The following MACROD2 variants were observed in gnomAD, a reference collection of about 807,000 sequenced individuals.
MACROD2 encodes the protein ADP-ribose glycohydrolase MACROD2.
In MACROD2, 36 loss-of-function variants were observed where a neutral mutation model predicts 70.4. The observed-to-expected ratio is 0.51, with a 90% CI of 0.39 to 0.68. The LOEUF is 0.68. Ranked by LOEUF, MACROD2 falls within the 30% of genes least tolerant of loss-of-function variation. The pLI, the probability that MACROD2 is intolerant of heterozygous loss-of-function variation, is 0.00. For synonymous variants in MACROD2, 172 were observed against 178.8 expected (o/e 0.96, Z 0.30); for missense variants, 496 against 538.4 (o/e 0.92, Z 0.78).
intron 5 of MACROD2, among the ~76,000 whole-genome samples, chr20:14,930,946 C>T (rs1283810444): frequency 6.6e-6 from 1 of 150,442 alleles, no homozygotes; most frequent in Admixed American, 6.6e-5. Context: ...AGGAGGATCA[C>T]TTGAGCCTAG....
At chr20:14,091,851 T>C (rs924098044) in intron 3 of MACROD2, among the ~76,000 whole-genome samples, 3 of 152,154 alleles carry the variant, frequency 2.0e-5, no homozygotes, top group Non-Finnish European at 4.4e-5. Flanking sequence ...TGAGGGACAT[T>C]TGGATTCTTT....
chr20:15,079,472 C>T (rs528021765), intron 5 of MACROD2, among the ~76,000 whole-genome samples: 4 of 152,166 alleles, frequency 2.6e-5, no homozygotes, highest in East Asian at 1.9e-4. Flanking sequence ...TTGAGCATCC[C>T]GTTCTTTGAC....
chr20:14,063,479 A>G (rs2053714784), intron 2 of MACROD2, among the ~76,000 whole-genome samples: 1 of 152,162 alleles, frequency 6.6e-6, no homozygotes, highest in African/African-American at 2.4e-5. Flanking sequence ...ACACAGGTTG[A>G]GTATCTCTAA....
In MACROD2 at chr20:16,021,985, T is replaced by G. The variant is rs139069062; in HGVS notation, c.1154-19216T>G. ...ATTCTGTCCAGAATTATGGGTATTG[T>G]GGTCATTTAGCAAAAAGTAGGTCAT... On this transcript the variant is annotated intron_variant, in intron 15 of 17. Transcript: ENST00000684519. Among the ~76,000 whole-genome samples the G allele has an allele frequency of 4.2e-4, 64 of 152,146 alleles. No homozygotes were observed. The East Asian group carries it at 0.012, about 28-fold the overall frequency.
chr20:14,856,006 G>C (rs2073252302), intron 5 of MACROD2, among the ~76,000 whole-genome samples: 1 of 152,072 alleles, frequency 6.6e-6, no homozygotes, highest in Non-Finnish European at 1.5e-5. Context: ...TTTCAGAAGA[G>C]ATATAAAGAT....
At chr20:15,564,309 G>C (rs1476362731) in intron 8 of MACROD2, among the ~76,000 whole-genome samples, 1 of 152,176 alleles carries the variant, frequency 6.6e-6, no homozygotes, top group African/African-American at 2.4e-5. Context: ...CTTTTTGACA[G>C]CAAAATGTCT....
intron 5 of MACROD2, among the ~76,000 whole-genome samples, chr20:14,795,396 C>G (rs114554080): frequency 1.3e-5 from 2 of 152,024 alleles, no homozygotes; most frequent in Admixed American, 6.6e-5. Flanking sequence ...GAAGGACTAG[C>G]GAGTAACTTG....
At chr20:14,154,895 T>A (rs1191764709) in intron 3 of MACROD2, among the ~76,000 whole-genome samples, 3 of 152,170 alleles carry the variant, frequency 2.0e-5, no homozygotes, top group Non-Finnish European at 4.4e-5. Flanking sequence ...ATAATGCATG[T>A]CATAATTATT....
At chr20:14,710,833 C>G (rs1356906598) in intron 5 of MACROD2, among the ~76,000 whole-genome samples, 1 of 152,130 alleles carries the variant, frequency 6.6e-6, no homozygotes, top group Non-Finnish European at 1.5e-5. Context: ...TGCACTGGGT[C>G]AGTGTTTCTC....
intron 5 of MACROD2, among the ~76,000 whole-genome samples, chr20:15,080,115 CAAAT>C (rs11467492): frequency 0.17 from 24,501 of 143,028 alleles, 2,267 homozygotes; most frequent in Middle Eastern, 0.25. Flanking sequence ...ACAGAACAGC[CAAAT>C]AAATAAATAA....
At chr20:15,002,200 G>T (rs534640519) in intron 5 of MACROD2, among the ~76,000 whole-genome samples, 1 of 152,082 alleles carries the variant, frequency 6.6e-6, no homozygotes, top group South Asian at 2.1e-4. Flanking sequence ...ACTGTTTGCC[G>T]TAGTGGTTGT....
intron 4 of MACROD2, among the ~76,000 whole-genome samples, chr20:14,569,235 A>G (rs542941467): frequency 6.6e-5 from 10 of 152,122 alleles, no homozygotes; most frequent in Middle Eastern, 6.8e-3. Context: ...TTAGAGACAA[A>G]ATAGCATACA....
intron 5 of MACROD2, among the ~76,000 whole-genome samples, chr20:14,859,070 T>G (rs1351993304): frequency 6.6e-6 from 1 of 151,966 alleles, no homozygotes; most frequent in Admixed American, 6.6e-5. Context: ...CTCTGGGGAC[T>G]CAAGGGGAAG....
chr20:15,932,898 C>T (rs958611062), intron 10 of MACROD2, among the ~76,000 whole-genome samples: 8 of 152,050 alleles, frequency 5.3e-5, no homozygotes, highest in African/African-American at 1.4e-4. Context: ...AAATAAAGGG[C>T]GAGAAACTTA....
At chr20:14,920,720 C>G (rs934426363) in intron 5 of MACROD2, among the ~76,000 whole-genome samples, 8 of 152,160 alleles carry the variant, frequency 5.3e-5, no homozygotes, top group African/African-American at 1.9e-4. Context: ...TTTAATATTG[C>G]TACCATTTCT....
chr20:14,444,483 G>C (rs2084161413), intron 3 of MACROD2, among the ~76,000 whole-genome samples: 1 of 151,802 alleles, frequency 6.6e-6, no homozygotes, highest in Non-Finnish European at 1.5e-5. Context: ...TATCTGCCCA[G>C]CCTCTTAATA....
intron 8 of MACROD2, among the ~76,000 whole-genome samples, chr20:15,676,516 A>G (rs1216261200): frequency 6.6e-6 from 1 of 152,182 alleles, no homozygotes; most frequent in East Asian, 1.9e-4. Context: ...TGGGACTGAA[A>G]TTTAATTTAC....
chr20:14,019,515 C>T (rs989525055), intron 2 of MACROD2, among the ~76,000 whole-genome samples: 18 of 152,118 alleles, frequency 1.2e-4, no homozygotes, highest in East Asian at 9.6e-4. Flanking sequence ...CTTTGTGATC[C>T]GCCCACCTCA....
intron 6 of MACROD2, among the ~76,000 whole-genome samples, chr20:15,288,479 G>A (rs752725674): frequency 6.6e-6 from 1 of 152,192 alleles, no homozygotes. Context: ...GTTTCCAGGA[G>A]AGACTGGCAT....
Sources: gnomAD v4.1 joint callset for allele counts (sites outside exome capture counted in the v4.1 genomes callset) on GRCh38, gnomAD v4.1.1 for gene constraint, MANE v1.5 for transcripts, NCBI Gene and HGNC (gene_info 2026-07-23, HGNC 2026-07-21) for gene names.